EPAS1: variants seen among roughly 807,000 people sequenced by gnomAD.
The protein encoded by EPAS1 is endothelial PAS domain protein 1.
EPAS1 carries 23 observed loss-of-function variants against 87.9 expected under a neutral mutation model. The observed-to-expected ratio is 0.26, with a 90% CI of 0.19 to 0.37. The LOEUF (loss-of-function observed/expected upper bound fraction) is 0.37. EPAS1 is among the 10% of genes least tolerant of loss of function. The probability of loss-of-function intolerance (pLI) is 1.00; values close to 1 mark genes in which losing one functional copy is unlikely to be tolerated. For missense variants in EPAS1, 1,138 were observed against 1,120.7 expected (o/e 1.02, Z -0.22); for synonymous variants, 508 against 444.3 (o/e 1.14, Z -1.80).
At chr2:46,363,009 T>G (rs1684431217) in intron 6 of EPAS1, among the ~76,000 whole-genome samples, 2 of 149,062 alleles carry the variant, frequency 1.3e-5, no homozygotes, top group Non-Finnish European at 3.0e-5. Context: ...GTGGTGGTGG[T>G]GGTGGTGGTG....
At chr2:46,372,526 A>C (rs1338108447) in intron 7 of EPAS1, among the ~76,000 whole-genome samples, 1 of 152,224 alleles carries the variant, frequency 6.6e-6, no homozygotes, top group African/African-American at 2.4e-5. Flanking sequence ...GTAATTTCCA[A>C]ATGGATTAAT....
rs765104652 is a variant in EPAS1 at position 46,384,528 on chromosome 2, C to G, written c.2481C>G (p.Leu827=). ...HKVSGMASRL[L]GPSFESYLLP... ...TTTCAGGCATGGCAAGCCGGCTGCT[C>G]GGGCCCTCATTTGAGTCCTACCTGC... The change falls in exon 16 of 16, where the codon CTC becomes CTG. Residue 827 remains leucine, a synonymous_variant. Coordinates refer to ENST00000263734, the MANE Select transcript of EPAS1 (RefSeq NM_001430.5). 5 of 1,614,192 alleles carry G rather than the reference C, an allele frequency of 3.1e-6. No individual in the cohort carries two copies. In the East Asian group the frequency reaches 8.9e-5, roughly 29 times the overall value.
In EPAS1 at chr2:46,380,303, C is replaced by T; in HGVS notation, c.1631C>T (p.Pro544Leu). The T allele has an allele frequency of 1.9e-6, 3 of 1,614,112 alleles. No homozygotes were observed. The highest frequency in any genetic ancestry group is 2.5e-6 in the Non-Finnish European group (3 of 1,180,012). ...GACGGGGAAGACTTCCAGCTAAGCCCCATCTGCCCCGAGGAGCGGCTCTTG... is the reference window on the plus strand; with the variant it reads ...GACGGGGAAGACTTCCAGCTAAGCCTCATCTGCCCCGAGGAGCGGCTCTTG... ...PMDGEDFQLS[P>L]ICPEERLLAE... The change falls in exon 12 of 16, where the codon CCC (proline) becomes CTC (leucine). Residue 544 changes from proline to leucine, a missense_variant. Around this residue, in one of 4 missense-constraint regions of EPAS1, gnomAD observed 502 missense variants for 427.1 expected, o/e 1.18. Transcript: ENST00000263734. The surrounding 1 kb of genome is among the most constrained non-coding windows in gnomAD (Gnocchi z 4.4).
intron 1 of EPAS1, among the ~76,000 whole-genome samples, chr2:46,322,950 T>C (rs1308887485): frequency 6.6e-6 from 1 of 152,242 alleles, no homozygotes; most frequent in Non-Finnish European, 1.5e-5. Context: ...GCAATTTCTG[T>C]ACTAACCTGT....
intron 9 of EPAS1, among the ~76,000 whole-genome samples, chr2:46,377,630 GGAA>G (rs1340393943): frequency 6.6e-6 from 1 of 152,182 alleles, no homozygotes; most frequent in Non-Finnish European, 1.5e-5. Context: ...TGTTCCTCAG[GGAA>G]GAGTGGCTCC....
intron 3 of EPAS1, 140 bp downstream of exon 3, chr2:46,356,442 GCCTCAGGCCACGCT>G: frequency 9.1e-7 from 1 of 1,097,976 alleles, no homozygotes; most frequent in Non-Finnish European, 1.4e-6. Context: ...CAGGCCACAC[GCCTCAGGCCACGCT>G]CCCACCCCCA....
chr2:46,380,891 T>C lies in EPAS1; in HGVS notation c.2045+174T>C, dbSNP rs1684874816. On this transcript the variant is annotated intron_variant, in intron 12 of 15. Coordinates refer to ENST00000263734, the MANE Select transcript of EPAS1 (RefSeq NM_001430.5). This position sits in a 1 kb window ranked among gnomAD's most constrained non-coding sequence, Gnocchi z 4.4. Reference sequence around the variant, plus strand: ...TCACCTCAAGCCATGTGAGGCCTAGTGTAGGATGGGTTTTTATCTGGGCTG... The same window carrying C: ...TCACCTCAAGCCATGTGAGGCCTAGCGTAGGATGGGTTTTTATCTGGGCTG... 1.3e-5 allele frequency among the ~76,000 whole-genome samples: 2 copies of C among 152,016 alleles called. No individual in the cohort carries two copies. Among genetic ancestry groups the C allele is most frequent in the South Asian group, 4.2e-4 (2 of 4,806 alleles).
At chr2:46,356,388 C>T (rs1370227903) in intron 3 of EPAS1, 86 bp downstream of exon 3, 10 of 1,550,028 alleles carry the variant, frequency 6.5e-6, no homozygotes, top group Non-Finnish European at 8.0e-6. Flanking sequence ...CACAATCCCA[C>T]TTGACCTCTC....
chr2:46,356,127 T>TGGGGGGGG, intron 2 of EPAS1, 24 bp from the exon 3 acceptor site: 278 of 1,394,752 alleles, frequency 2.0e-4, no homozygotes, highest in Middle Eastern at 4.1e-4. Context: ...TCATGCAAGC[T>TGGGGGGGG]GTCCCACCCC....
intron 6 of EPAS1, among the ~76,000 whole-genome samples, chr2:46,362,881 T>A (rs915690325): frequency 4.6e-5 from 7 of 151,364 alleles, no homozygotes; most frequent in African/African-American, 1.7e-4. Context: ...TCTAACCTCA[T>A]AGGGAGAAAA....
At chr2:46,370,638 A>G (rs1204297777) in intron 7 of EPAS1, among the ~76,000 whole-genome samples, 1 of 152,208 alleles carries the variant, frequency 6.6e-6, no homozygotes, top group Non-Finnish European at 1.5e-5. Flanking sequence ...TCTGCAGTGG[A>G]AATGTTCTTG....
In EPAS1 at chr2:46,359,257, C is replaced by CAAAAAAAAAAAAAAAAAAAAAAA. The variant is rs57351888; in HGVS notation, c.455-1379_455-1357dup. ...CTGGCGACAGAGCAAGATTCTGTCT[C>CAAAAAAAAAAAAAAAAAAAAAAA]AAAAAAAAAAAAAAAAAAAAAAAAG... is the stretch of plus-strand genomic sequence containing the variant. On this transcript the variant is annotated intron_variant, in intron 4 of 15. Transcript: ENST00000263734. Among the ~76,000 whole-genome samples, 7 of 25,094 alleles carry CAAAAAAAAAAAAAAAAAAAAAAA rather than the reference C, an allele frequency of 2.8e-4. 1 individual carries two copies. The highest frequency in any genetic ancestry group is 7.9e-4 in the African/African-American group (4 of 5,060). 16.5% of individuals were successfully genotyped at this position (25,094 alleles called of 152,430 possible).
At chr2:46,320,779 G>A (rs1683439978) in intron 1 of EPAS1, among the ~76,000 whole-genome samples, 1 of 152,240 alleles carries the variant, frequency 6.6e-6, no homozygotes. Flanking sequence ...TTGTGTGAGA[G>A]TTTAGTTTAA....
At chr2:46,368,052 C>T (rs991604100) in intron 6 of EPAS1, among the ~76,000 whole-genome samples, 1 of 152,198 alleles carries the variant, frequency 6.6e-6, no homozygotes, top group African/African-American at 2.4e-5. Context: ...AAGAGAAAAT[C>T]AATCTACTGG....
chr2:46,366,180 C>T (rs1449533812), intron 6 of EPAS1, among the ~76,000 whole-genome samples: 1 of 152,250 alleles, frequency 6.6e-6, no homozygotes, highest in Non-Finnish European at 1.5e-5. Flanking sequence ...AAGAGCGAGC[C>T]TTCTCAGGCC....
chr2:46,335,194 A>G (rs1468012710), intron 1 of EPAS1, among the ~76,000 whole-genome samples: 1 of 152,196 alleles, frequency 6.6e-6, no homozygotes, highest in African/African-American at 2.4e-5. Context: ...AGTTCTGGCA[A>G]CATGTTGGGA....
At chr2:46,308,657 G>A (rs894578227) in intron 1 of EPAS1, among the ~76,000 whole-genome samples, 1 of 152,166 alleles carries the variant, frequency 6.6e-6, no homozygotes, top group Non-Finnish European at 1.5e-5. Context: ...CCACAGTCAG[G>A]TCTTATTGAT....
intron 1 of EPAS1, among the ~76,000 whole-genome samples, chr2:46,325,287 G>T (rs1188081991): frequency 6.6e-6 from 1 of 152,210 alleles, no homozygotes; most frequent in African/African-American, 2.4e-5. Flanking sequence ...TTTTTAGATA[G>T]TTCCTTTTGG....
At position 46,300,994 on chromosome 2, in the gene EPAS1, C is replaced by T. The variant is rs1682983651; in HGVS notation, c.26+3057C>T. Among the ~76,000 whole-genome samples the T allele has an allele frequency of 6.6e-6, 1 of 152,204 alleles. No homozygotes were observed. Among genetic ancestry groups the T allele is most frequent in the Non-Finnish European group, 1.5e-5 (1 of 68,042 alleles). The stretch of plus-strand genomic sequence containing the variant: ...TAAACATATATTTTAAATAAATATT[C>T]CCTCCACACTTGATATGTTTCCATT... On this transcript the variant is annotated intron_variant, in intron 1 of 15. Coordinates refer to ENST00000263734, the MANE Select transcript of EPAS1 (RefSeq NM_001430.5). The surrounding 1 kb of genome is among the most constrained non-coding windows in gnomAD (Gnocchi z 4.1).
Sources: gnomAD v4.1 joint callset for allele counts (sites outside exome capture counted in the v4.1 genomes callset) on GRCh38, gnomAD v4.1.1 for gene constraint, gnomAD v4.1.1 regional missense constraint, Gnocchi (gnomAD v3.1) non-coding constraint, MANE v1.5 for transcripts, NCBI Gene and HGNC (gene_info 2026-07-23, HGNC 2026-07-21) for gene names.